CLPB: variants seen among roughly 807,000 people sequenced by gnomAD.
CLPB encodes mitochondrial disaggregase.
In CLPB, 40 loss-of-function variants were observed where a neutral mutation model predicts 78.4. That is an observed-to-expected ratio of 0.51 (90% CI 0.40 to 0.66). CLPB has a LOEUF of 0.66. CLPB is among the 30% of genes least tolerant of loss of function. The pLI, the probability that CLPB is intolerant of heterozygous loss-of-function variation, is 0.00. For missense variants in CLPB, 780 were observed against 886.9 expected (o/e 0.88, Z 1.53); for synonymous variants, 333 against 348.0 (o/e 0.96, Z 0.48).
chr11:72,348,675 AGTCCT>A (rs1950558877), intron 5 of CLPB, among the ~76,000 whole-genome samples: 1 of 152,192 alleles, frequency 6.6e-6, no homozygotes, highest in Admixed American at 6.5e-5. Flanking sequence ...TTTAATTGAA[AGTCCT>A]GTTATCTACT....
At chr11:72,345,300 T>C (rs1287214581) in intron 5 of CLPB, among the ~76,000 whole-genome samples, 1 of 152,174 alleles carries the variant, frequency 6.6e-6, no homozygotes, top group African/African-American at 2.4e-5. Context: ...ATAGAATACA[T>C]GGAATATACA....
At chr11:72,390,451 T>TAGAAAAAAAAAAAAAAAAA (rs1855219320) in intron 3 of CLPB, among the ~76,000 whole-genome samples, 1 of 60,936 alleles carries the variant, frequency 1.6e-5, no homozygotes, top group Admixed American at 1.7e-4. Context: ...AAAAACGAAA[T>TAGAAAAAAAAAAAAAAAAA]AGAAAAAAAA....
intron 11 of CLPB, among the ~76,000 whole-genome samples, chr11:72,297,638 TGTGTG>T (rs1949575473): frequency 5.3e-5 from 1 of 18,766 alleles, no homozygotes; most frequent in East Asian, 2.1e-3. Context: ...GGGGACCAGG[TGTGTG>T]TGTGTGTGTG....
At chr11:72,431,183 A>C (rs1260148181) in intron 1 of CLPB, among the ~76,000 whole-genome samples, 1 of 152,172 alleles carries the variant, frequency 6.6e-6, no homozygotes, top group Non-Finnish European at 1.5e-5. Context: ...CATAAAGAAA[A>C]TTGGACTGAC....
intron 3 of CLPB, among the ~76,000 whole-genome samples, chr11:72,392,398 C>T (rs938225834): frequency 2.6e-5 from 4 of 152,174 alleles, no homozygotes; most frequent in Admixed American, 6.5e-5. Flanking sequence ...TCAGGAAAGC[C>T]GGGTGGCCCA....
chr11:72,294,264 A>G (rs1165860925), intron 14 of CLPB, 61 bp downstream of exon 14: 2 of 1,613,320 alleles, frequency 1.2e-6, no homozygotes, highest in Admixed American at 1.7e-5. Flanking sequence ...CCCCCAGTCC[A>G]GTGTTCCAGA....
chr11:72,404,747 A>G (rs1174879079), intron 2 of CLPB, among the ~76,000 whole-genome samples: 1 of 152,172 alleles, frequency 6.6e-6, no homozygotes, highest in Non-Finnish European at 1.5e-5. Flanking sequence ...GACCCAGGGT[A>G]TATGAGACCC....
intron 1 of CLPB, among the ~76,000 whole-genome samples, chr11:72,432,819 C>T (rs1856586054): frequency 6.6e-6 from 1 of 152,176 alleles, no homozygotes; most frequent in Non-Finnish European, 1.5e-5. Flanking sequence ...AAAGTCCTTC[C>T]TTTACAATTG....
At chr11:72,294,246 TG>T in intron 14 of CLPB, 78 bp downstream of exon 14, 1 of 1,611,620 alleles carries the variant, frequency 6.2e-7, no homozygotes, top group Non-Finnish European at 8.5e-7. Flanking sequence ...TTTATGTGTG[TG>T]GGGGTGCCCC....
Position 72,290,543 on chromosome 11 carries a change from A to G in CLPB, c.*2824T>C, listed in dbSNP as rs1949438852. 1 of 152,226 alleles carries G rather than the reference A, an allele frequency of 6.6e-6. No homozygotes were observed. Among genetic ancestry groups the G allele is most frequent in the African/African-American group, 2.4e-5 (1 of 41,462 alleles). The allele number at this position is 152,226 out of a possible 1,614,324, so 9.4% of individuals were successfully genotyped here. On this transcript the variant is annotated 3_prime_UTR_variant, in exon 16 of 16. Coordinates refer to ENST00000538039, the MANE Select transcript of CLPB (RefSeq NM_001258392.3). ...GTAGGCAAAATTTTAAGAATAAGAC[A>G]TTCACATAGCTTCAAAGTGGAAGAT...
intron 3 of CLPB, among the ~76,000 whole-genome samples, chr11:72,396,599 C>CATAT (rs1855413767): frequency 6.6e-6 from 1 of 152,184 alleles, no homozygotes; most frequent in South Asian, 2.1e-4. Context: ...AATGAAGAAT[C>CATAT]ATATACTTTA....
At chr11:72,383,374 TAAAAA>T (rs1237215785) in intron 3 of CLPB, among the ~76,000 whole-genome samples, 1 of 150,838 alleles carries the variant, frequency 6.6e-6, no homozygotes, top group Non-Finnish European at 1.5e-5. Context: ...AAATAAAAAA[TAAAAA>T]AATTAGCCAG....
intron 3 of CLPB, among the ~76,000 whole-genome samples, chr11:72,394,178 T>A (rs1379216194): frequency 6.6e-6 from 1 of 152,204 alleles, no homozygotes; most frequent in Non-Finnish European, 1.5e-5. Flanking sequence ...GAAACACCCA[T>A]GATATCTACT....
chr11:72,394,606 T>C (rs1400648159), intron 3 of CLPB, among the ~76,000 whole-genome samples: 1 of 152,202 alleles, frequency 6.6e-6, no homozygotes, highest in Non-Finnish European at 1.5e-5. Context: ...TGCCTGAGGT[T>C]GAGGCATGTG....
chr11:72,298,143 T>C (rs1949590091), intron 11 of CLPB, among the ~76,000 whole-genome samples: 2 of 152,082 alleles, frequency 1.3e-5, no homozygotes. Flanking sequence ...ACTAGTCTCT[T>C]TCTGGGACTT....
At chr11:72,336,326 G>A (rs1565445998) in intron 5 of CLPB, among the ~76,000 whole-genome samples, 1 of 152,052 alleles carries the variant, frequency 6.6e-6, no homozygotes, top group African/African-American at 2.4e-5. Flanking sequence ...CCCCACCCCC[G>A]GTTCTGTCAG....
At position 72,415,308 on chromosome 11, in the gene CLPB, T is replaced by C. The variant is rs1459587405; in HGVS notation, c.456-12256A>G. Among the ~76,000 whole-genome samples, 12 of 152,340 alleles carry C rather than the reference T, an allele frequency of 7.9e-5. No individual in the cohort carries two copies. The East Asian group carries it at 2.3e-3, about 29-fold the overall frequency. On this transcript the variant is annotated intron_variant, in intron 2 of 15. Coordinates refer to ENST00000538039, the MANE Select transcript of CLPB (RefSeq NM_001258392.3). ...GAGCCACACTGCCTTCCAGGGCTCA[T>C]ATGCCCAATTCTTCCCTTCTTTCCC...
chr11:72,378,297 G>A (rs768977920), intron 4 of CLPB, among the ~76,000 whole-genome samples: 1 of 152,186 alleles, frequency 6.6e-6, no homozygotes, highest in Non-Finnish European at 1.5e-5. Flanking sequence ...TCATCATGCT[G>A]ATAAAGACAT....
At chr11:72,380,432 G>T (rs1459699568) in intron 3 of CLPB, 48 bp from the exon 4 acceptor site, 1 of 1,470,192 alleles carries the variant, frequency 6.8e-7, no homozygotes, top group Non-Finnish European at 9.5e-7. Flanking sequence ...GAAAGGCCCA[G>T]GAGGTACAGA....
Sources: allele counts gnomAD v4.1 joint callset (sites outside exome capture counted in the v4.1 genomes callset), GRCh38; gene constraint gnomAD v4.1.1; transcripts MANE v1.5; gene names NCBI Gene and HGNC (gene_info 2026-07-23, HGNC 2026-07-21).